The following ZW10 variants were observed in gnomAD, a reference collection of about 807,000 sequenced individuals.
The protein encoded by ZW10 is centromere/kinetochore protein zw10 homolog.
A neutral mutation model predicts 87.8 loss-of-function variants in ZW10; 53 were observed. That is an observed-to-expected ratio of 0.60 (90% CI 0.48 to 0.76). The LOEUF is 0.76. Among genes scored for constraint, ZW10 ranks in the 30% least tolerant of loss-of-function variants. The pLI is 0.00. For missense variants in ZW10, 837 were observed against 923.0 expected (o/e 0.91, Z 1.21); for synonymous variants, 312 against 329.2 (o/e 0.95, Z 0.57).
chr11:113,746,534 C>T (rs2134875262), intron 9 of ZW10, among the ~76,000 whole-genome samples: 1 of 149,488 alleles, frequency 6.7e-6, no homozygotes, highest in South Asian at 2.1e-4. Flanking sequence ...AAACTCTACC[C>T]TCATGGAGCT....
chr11:113,755,294 G>C (rs973996012), intron 7 of ZW10, among the ~76,000 whole-genome samples: 1 of 152,160 alleles, frequency 6.6e-6, no homozygotes. Flanking sequence ...GGTCAAAATA[G>C]CAAAATTAAC....
At chr11:113,752,017 T>C (rs556579730) in intron 7 of ZW10, among the ~76,000 whole-genome samples, 21 of 152,304 alleles carry the variant, frequency 1.4e-4, no homozygotes, top group African/African-American at 3.8e-4. Context: ...TACATGCAAA[T>C]ACTATAAATT....
intron 1 of ZW10, chr11:113,769,590 G>A (rs76530917): frequency 0.065 from 13,799 of 211,502 alleles, 607 homozygotes; most frequent in African/African-American, 0.13. Flanking sequence ...AAGATACAAG[G>A]ATAAATTATG....
At chr11:113,771,018 G>T (rs4430548) in intron 1 of ZW10, among the ~76,000 whole-genome samples, 52,603 of 145,520 alleles carry the variant, frequency 0.36, 10,939 homozygotes, top group Non-Finnish European at 0.47. Flanking sequence ...CGTCGCCCAG[G>T]CTGGACTGCA....
intron 15 of ZW10, among the ~76,000 whole-genome samples, chr11:113,734,332 T>A (rs1485594181): frequency 6.6e-6 from 1 of 152,162 alleles, no homozygotes; most frequent in Non-Finnish European, 1.5e-5. Context: ...TTTAGGGAAA[T>A]GCAAATTAAA....
chr11:113,740,928 A>G (rs1953609199), intron 11 of ZW10, among the ~76,000 whole-genome samples: 1 of 152,224 alleles, frequency 6.6e-6, no homozygotes, highest in Non-Finnish European at 1.5e-5. Context: ...GCTAATGCAA[A>G]TATGTTTTCT....
intron 14 of ZW10, among the ~76,000 whole-genome samples, chr11:113,737,080 C>T (rs970145933): frequency 6.6e-6 from 1 of 152,168 alleles, no homozygotes; most frequent in Non-Finnish European, 1.5e-5. Context: ...AATAGAATGT[C>T]GCACAGCTTG....
intron 1 of ZW10, among the ~76,000 whole-genome samples, chr11:113,770,797 G>A (rs1953956453): frequency 6.7e-6 from 1 of 148,558 alleles, no homozygotes; most frequent in Non-Finnish European, 1.5e-5. Flanking sequence ...CAGCCTGGGC[G>A]ACAGGGCGAG....
chr11:113,741,798 C>A, intron 10 of ZW10, 33 bp from the exon 11 acceptor site: 1 of 1,491,928 alleles, frequency 6.7e-7, no homozygotes, highest in Non-Finnish European at 9.2e-7. Flanking sequence ...ACAGAAATGC[C>A]TAAGAATACA....
intron 2 of ZW10, among the ~76,000 whole-genome samples, chr11:113,766,524 A>T (rs1300539370): frequency 2.0e-5 from 3 of 151,320 alleles, no homozygotes; most frequent in Admixed American, 6.6e-5. Flanking sequence ...ATTTTTAAAA[A>T]TTAGCCAGGT....
chr11:113,759,627 A>ATCCTCTGGGT (rs1953835503), intron 5 of ZW10, among the ~76,000 whole-genome samples: 1 of 152,204 alleles, frequency 6.6e-6, no homozygotes, highest in South Asian at 2.1e-4. Flanking sequence ...GGTAGGCAGA[A>ATCCTCTGGGT]AGGCTGACAG....
chr11:113,773,316 G>C (rs1349808128), intron 1 of ZW10, among the ~76,000 whole-genome samples: 1 of 151,736 alleles, frequency 6.6e-6, no homozygotes, highest in Non-Finnish European at 1.5e-5. Context: ...CGTCCCCACA[G>C]TCCCAGGTCT....
At position 113,760,595 on chromosome 11, in the gene ZW10, A is replaced by G; in HGVS notation, c.343-5T>C. 6.2e-7 allele frequency: 1 copy of G among 1,600,512 alleles called. No homozygotes were observed. The highest frequency in any genetic ancestry group is 2.2e-5 in the East Asian group (1 of 44,808). ...TTCTTCAATAGCAGTGGAAAACTGA[A>G]AAGTTAAGTATAATATTTTATACAT... On this transcript the variant is annotated splice_polypyrimidine_tract_variant and splice_region_variant and intron_variant, in intron 3 of 15. Coordinates refer to ENST00000200135, the MANE Select transcript of ZW10 (RefSeq NM_004724.4).
chr11:113,763,435 T>TGGTGATTC (rs1360221333), intron 2 of ZW10, among the ~76,000 whole-genome samples: 1 of 152,226 alleles, frequency 6.6e-6, no homozygotes, highest in Non-Finnish European at 1.5e-5. Context: ...CCTTGAGGAA[T>TGGTGATTC]CACCATACTG....
At position 113,757,797 on chromosome 11, in the gene ZW10, C is replaced by A; in HGVS notation, c.790G>T (p.Ala264Ser). 6.2e-7 allele frequency: 1 copy of A among 1,613,414 alleles called. No homozygotes were observed. The highest frequency in any genetic ancestry group is 1.1e-5 in the South Asian group (1 of 90,996). ...RPLASCPSLH[A>S]VIESQPNIVI... is the part of the protein sequence containing the mutation. ...ATGTTAGGCTGGCTTTCTATCACAG[C>A]ATGAAGGGATGGGCAAGATGCCAGC... Residue 264 changes from alanine (A) to serine (S), a missense_variant, in exon 7 of 16, where the codon GCT (alanine) becomes TCT (serine). Physicochemically the swap from Ala to Ser is moderately conservative, Grantham distance 99. Coordinates refer to ENST00000200135, the MANE Select transcript of ZW10 (RefSeq NM_004724.4).
chr11:113,772,377 A>T (rs1432158742), intron 1 of ZW10, among the ~76,000 whole-genome samples: 1 of 152,220 alleles, frequency 6.6e-6, no homozygotes, highest in Non-Finnish European at 1.5e-5. Context: ...GGATATGACT[A>T]CTTAAAATTC....
At chr11:113,752,322 G>A (rs1015374567) in intron 7 of ZW10, among the ~76,000 whole-genome samples, 9 of 151,914 alleles carry the variant, frequency 5.9e-5, no homozygotes, top group African/African-American at 1.7e-4. Flanking sequence ...CAGCTGTTAC[G>A]GACTGAATTG....
At chr11:113,772,778 G>C (rs1050248893) in intron 1 of ZW10, among the ~76,000 whole-genome samples, 8 of 147,412 alleles carry the variant, frequency 5.4e-5, no homozygotes, top group African/African-American at 2.0e-4. Flanking sequence ...TTCGAGACCA[G>C]TCTGGCCAAC....
At chr11:113,740,476 T>TGGGAGGCTAAGATGGGAAGATCAC (rs1372306421) in intron 11 of ZW10, among the ~76,000 whole-genome samples, 6 of 152,110 alleles carry the variant, frequency 3.9e-5, no homozygotes, top group African/African-American at 1.4e-4. Flanking sequence ...CCCAGCTACT[T>TGGGAGGCTAAGATGGGAAGATCAC]GGGAGGCTAA....
Sources: allele counts gnomAD v4.1 joint callset (sites outside exome capture counted in the v4.1 genomes callset), GRCh38; gene constraint gnomAD v4.1.1; transcripts MANE v1.5; gene names NCBI Gene and HGNC (gene_info 2026-07-23, HGNC 2026-07-21).